The following DGKK variants were observed in gnomAD, a reference collection of about 807,000 sequenced individuals.
The protein encoded by DGKK is 142 kDa diacylglycerol kinase.
A neutral mutation model predicts 92.2 loss-of-function variants in DGKK; 35 were observed. The observed-to-expected ratio is 0.38, with a 90% confidence interval of 0.29 to 0.50. The LOEUF is 0.50. Among genes scored for constraint, DGKK ranks in the 20% least tolerant of loss-of-function variants. DGKK has a pLI of 0.92. For missense variants in DGKK, 910 were observed against 992.2 expected (o/e 0.92, Z 1.11); for synonymous variants, 368 against 360.6 (o/e 1.02, Z -0.23).
At chrX:50,370,234 A>G (rs1414132733) in intron 27 of DGKK, among the ~76,000 whole-genome samples, 192 bp downstream of exon 27, 1 of 111,466 alleles carries the variant, frequency 9.0e-6, no homozygotes, top group East Asian at 2.8e-4. Flanking sequence ...TCCCCTTACC[A>G]GTGTCCATAT....
intron 21 of DGKK, 84 bp downstream of exon 21, chrX:50,378,494 A>G: frequency 1.1e-6 from 1 of 899,770 alleles, no homozygotes; most frequent in Non-Finnish European, 1.6e-6. Flanking sequence ...TCTTCTACCC[A>G]GTTAATTCCT....
Position 50,404,317 on chromosome X carries a change from A to C in DGKK, c.943-133T>G, listed in dbSNP as rs1400575548. 5.7e-6 allele frequency: 4 copies of C among 705,577 alleles called. No individual in the cohort carries two copies. The African/African-American group carries it at 9.0e-5, about 16-fold the overall frequency. 58.1% of individuals were successfully genotyped at this position (705,577 alleles called of 1,213,427 possible). A position where few individuals can be genotyped will look rare whatever the true frequency, so the allele number is the denominator to read the frequency against. On this transcript the variant is annotated intron_variant, in intron 4 of 27. Transcript: ENST00000611977. Reference sequence around the variant, plus strand: ...CAGAGCGTGTGAAGGGGAAGACTGAAAGTTGGAGCCAATACCTGGGACCTG... The same window carrying C: ...CAGAGCGTGTGAAGGGGAAGACTGACAGTTGGAGCCAATACCTGGGACCTG...
rs997517273 is a variant in DGKK, at chrX:50,401,268, C to G, written c.1309-129G>C. On this transcript the variant is annotated intron_variant, in intron 7 of 27. Coordinates refer to ENST00000611977, the MANE Select transcript of DGKK (RefSeq NM_001013742.4). The stretch of plus-strand genomic sequence containing the variant: ...TAATCTCCCTTTCTGAGATTTGGTG[C>G]CATACATATATCCCTAACTCACCTG... 5.1e-5 allele frequency: 31 copies of G among 602,758 alleles called. No individual in the cohort carries two copies. The South Asian group carries it at 5.5e-4, about 11-fold the overall frequency. The allele number at this position is 602,758 out of a possible 1,213,427, so 49.7% of individuals were successfully genotyped here.
At chrX:50,403,720 C>A in intron 5 of DGKK, 123 bp from the exon 6 acceptor site, 1 of 565,860 alleles carries the variant, frequency 1.8e-6, no homozygotes, top group East Asian at 3.5e-5. Context: ...TAATGCACCT[C>A]CAAAAACCTA....
chrX:50,373,577 T>A (rs1382428417), intron 25 of DGKK, among the ~76,000 whole-genome samples: 1 of 112,587 alleles, frequency 8.9e-6, no homozygotes, highest in Non-Finnish European at 1.9e-5. Flanking sequence ...TGATGTTGTC[T>A]GAGGCTCAAA....
chrX:50,378,285 A>G lies in DGKK; in HGVS notation c.2977-53T>C, dbSNP rs191133830. Reference sequence around the variant, plus strand: ...AGAGAAAAATGGGGCAACTGCTGTAACTCTATCTGATAATCTCATAGTTAT... The same window carrying G: ...AGAGAAAAATGGGGCAACTGCTGTAGCTCTATCTGATAATCTCATAGTTAT... On this transcript the variant is annotated intron_variant, in intron 21 of 27. Transcript: ENST00000611977. 4.3e-6 allele frequency: 5 copies of G among 1,159,329 alleles called. No individual in the cohort carries two copies. The Admixed American group carries it at 1.2e-4, about 28-fold the overall frequency.
intron 1 of DGKK, among the ~76,000 whole-genome samples, chrX:50,450,737 G>C (rs782396435): frequency 2.1e-4 from 23 of 111,651 alleles, no homozygotes; most frequent in African/African-American, 7.5e-4. Flanking sequence ...AAGGCTACTT[G>C]AGACCATGGA....
intron 1 of DGKK, among the ~76,000 whole-genome samples, chrX:50,430,407 A>G (rs1206259056): frequency 8.9e-6 from 1 of 112,164 alleles, no homozygotes; most frequent in African/African-American, 3.2e-5. Flanking sequence ...TCTTCCTGCC[A>G]GCTCTATTAG....
At chrX:50,461,707 TTG>T (rs1181430272) in intron 1 of DGKK, among the ~76,000 whole-genome samples, 7 of 112,289 alleles carry the variant, frequency 6.2e-5, no homozygotes, top group Non-Finnish European at 1.3e-4. Context: ...CCATGTGGTT[TTG>T]TTCACTGTAG....
intron 1 of DGKK, among the ~76,000 whole-genome samples, chrX:50,447,999 C>T (rs1192169457): frequency 9.0e-6 from 1 of 111,272 alleles, no homozygotes; most frequent in Non-Finnish European, 1.9e-5. Context: ...TAAGCAAAAA[C>T]ATCTGTAAAG....
At chrX:50,447,315 T>A (rs1557231980) in intron 1 of DGKK, among the ~76,000 whole-genome samples, 1 of 33,421 alleles carries the variant, frequency 3.0e-5, no homozygotes, top group African/African-American at 1.2e-4. Flanking sequence ...AAGTAGTATG[T>A]GTGTGTGTAT....
chrX:50,470,649 G>A lies in DGKK; in HGVS notation c.30C>T (p.Gly10=), dbSNP rs782707698. ...GCTCTCCATCCTGAGGCGGGGCAGT[G>A]CCCTGGGCTGCGGCAGCTCCGCGGT... The part of the protein sequence containing the change: MDRGAAAAQ[G]TAPPQDGEQP... Residue 10 remains glycine, a synonymous_variant, in exon 1 of 28, where the codon GGC becomes GGT. Coordinates refer to ENST00000611977, the MANE Select transcript of DGKK (RefSeq NM_001013742.4). 43 of 1,124,460 alleles carry A rather than the reference G, an allele frequency of 3.8e-5. No individual in the cohort carries two copies. In the East Asian group the frequency reaches 6.2e-4, roughly 16 times the overall value. The allele number at this position is 1,124,460 out of a possible 1,213,427, so 92.7% of individuals were successfully genotyped here.
intron 3 of DGKK, among the ~76,000 whole-genome samples, chrX:50,421,039 T>A (rs1480883974): frequency 1.8e-5 from 2 of 112,087 alleles, no homozygotes; most frequent in African/African-American, 6.5e-5. Context: ...TAAAATTGTA[T>A]GTGGTTCATT....
At chrX:50,449,454 G>A (rs1557232297) in intron 1 of DGKK, among the ~76,000 whole-genome samples, 1 of 111,790 alleles carries the variant, frequency 8.9e-6, no homozygotes, top group East Asian at 2.8e-4. Context: ...ACACTGAGGA[G>A]AGACAAGGCG....
At chrX:50,375,194 T>G (rs782629160) in intron 24 of DGKK, 137 bp from the exon 25 acceptor site, 51 of 454,774 alleles carry the variant, frequency 1.1e-4, no homozygotes, top group Non-Finnish European at 1.8e-4. Context: ...AAAGCAATAT[T>G]CAAAATATAG....
chrX:50,466,100 G>A (rs1268000914), intron 1 of DGKK, among the ~76,000 whole-genome samples: 1 of 92,838 alleles, frequency 1.1e-5, no homozygotes, highest in Non-Finnish European at 2.0e-5. Context: ...CCTAGTCGGA[G>A]ATTTTAATAA....
intron 8 of DGKK, 99 bp downstream of exon 8, chrX:50,400,938 C>G: frequency 1.3e-6 from 1 of 786,562 alleles, no homozygotes; most frequent in Non-Finnish European, 1.9e-6. Context: ...AAATGTTTGA[C>G]TGGTTGAGGA....
intron 1 of DGKK, among the ~76,000 whole-genome samples, chrX:50,447,713 C>T (rs1440208105): frequency 1.9e-5 from 2 of 107,462 alleles, no homozygotes; most frequent in Non-Finnish European, 3.8e-5. Context: ...TAACCAATTT[C>T]TGTTATTTGC....
intron 1 of DGKK, among the ~76,000 whole-genome samples, chrX:50,429,611 C>G (rs782777108): frequency 9.0e-6 from 1 of 111,606 alleles, no homozygotes; most frequent in Non-Finnish European, 1.9e-5. Flanking sequence ...CTGGCGTGAA[C>G]CCGGGAGGCG....
Sources: gnomAD v4.1 joint callset for allele counts (sites outside exome capture counted in the v4.1 genomes callset) on GRCh38, gnomAD v4.1.1 for gene constraint, MANE v1.5 for transcripts, NCBI Gene and HGNC (gene_info 2026-07-23, HGNC 2026-07-21) for gene names.